The following C2orf74 variants were observed in gnomAD, a reference collection of about 807,000 sequenced individuals.
C2orf74 encodes DPM1 ER membrane anchor 1.
A neutral mutation model predicts 17.9 loss-of-function variants in C2orf74; 14 were observed. The ratio of observed to expected loss-of-function variants is 0.78; its 90% CI spans 0.52 to 1.22. C2orf74 has a LOEUF of 1.22. Ranked by LOEUF, C2orf74 falls within the 50% of genes most tolerant of loss-of-function variation. The probability of loss-of-function intolerance (pLI) is 0.00; values close to 1 mark genes in which losing one functional copy is unlikely to be tolerated. For synonymous variants in C2orf74, 79 were observed against 72.6 expected, an observed-to-expected ratio of 1.09 and a Z score of -0.44; for missense variants, 217 against 218.4, an observed-to-expected ratio of 0.99 and a Z score of 0.04.
intron 2 of C2orf74, 68 bp downstream of exon 2, chr2:61,162,677 G>C (rs954210489): frequency 1.8e-6 from 2 of 1,138,368 alleles, no homozygotes; most frequent in African/African-American, 3.1e-5. Flanking sequence ...TAGAAATAAT[G>C]TAAAACAATT....
chr2:61,158,027 A>G, upstream of C2orf74: 1 of 470,968 alleles, frequency 2.1e-6, no homozygotes, highest in South Asian at 1.5e-5. Context: ...GCAGTAGGGC[A>G]GGACTGCTTA....
upstream of C2orf74, chr2:61,162,187 C>T (rs980037896): frequency 6.0e-5 from 18 of 298,380 alleles, no homozygotes; most frequent in African/African-American, 3.3e-4. Context: ...CCAGCTGTTC[C>T]GATTCCTCTC....
chr2:61,146,686 T>A (rs1321078410), intron 1 of C2orf74, among the ~76,000 whole-genome samples: 1 of 151,918 alleles, frequency 6.6e-6, no homozygotes, highest in Non-Finnish European at 1.5e-5. Context: ...ATACAAAAAT[T>A]AGACTGGCGT....
At chr2:61,146,009 T>G (rs899974903) in intron 1 of C2orf74, among the ~76,000 whole-genome samples, 1 of 152,228 alleles carries the variant, frequency 6.6e-6, no homozygotes, top group Admixed American at 6.5e-5. Context: ...CTGAATAATA[T>G]TTGCATTTTG....
chr2:61,156,834 A>C (rs141879296), intron 1 of C2orf74, among the ~76,000 whole-genome samples: 2 of 152,192 alleles, frequency 1.3e-5, no homozygotes, highest in Non-Finnish European at 2.9e-5. Context: ...GCAGTGAACC[A>C]AGATCATGCC....
chr2:61,147,367 T>G (rs1729655), intron 1 of C2orf74, among the ~76,000 whole-genome samples: 65,065 of 151,810 alleles, frequency 0.43, 14,222 homozygotes, highest in Middle Eastern at 0.5. Flanking sequence ...TCCCAGACAA[T>G]AATATTATTT....
At chr2:61,146,757 T>G (rs1187770742) in intron 1 of C2orf74, among the ~76,000 whole-genome samples, 2 of 151,898 alleles carry the variant, frequency 1.3e-5, no homozygotes, top group African/African-American at 4.8e-5. Context: ...TTGAATCGCT[T>G]GAACCAGGGA....
intron 4 of C2orf74, among the ~76,000 whole-genome samples, chr2:61,163,460 T>C (rs1437289925): frequency 2.6e-5 from 4 of 151,258 alleles, no homozygotes; most frequent in South Asian, 2.1e-4. Flanking sequence ...AAAAATTAGC[T>C]GGGCGTGGTG....
upstream of C2orf74, among the ~76,000 whole-genome samples, chr2:61,158,642 C>T (rs1685468844): frequency 6.6e-6 from 1 of 152,078 alleles, no homozygotes; most frequent in African/African-American, 2.4e-5. Context: ...AAATCTGTCT[C>T]CCCAGTTGAT....
intron 1 of C2orf74, chr2:61,151,915 A>G (rs1034082919): frequency 6.6e-6 from 1 of 152,410 alleles, no homozygotes; most frequent in Non-Finnish European, 1.5e-5. Flanking sequence ...GTCCAGGTAC[A>G]TTGTGGCAAA....
In C2orf74 at chr2:61,164,426, T is replaced by C; in HGVS notation, c.463T>C (p.Leu155=). 1 of 1,551,002 alleles carries C rather than the reference T, an allele frequency of 6.4e-7. No homozygotes were observed. The highest frequency in any genetic ancestry group is 8.7e-7 in the Non-Finnish European group (1 of 1,146,774). The change falls in exon 5 of 5, where the codon TTA becomes CTA. Residue 155 remains leucine (L), a synonymous_variant. Transcript: ENST00000432605. ...PSVVESQKRP[L]KGVTFSREVI... ...AGTTGTTGAAAGCCAAAAAAGACCT[T>C]TAAAAGGAGTGACATTTTCTAGGGA...
chr2:61,164,754 G>T lies in C2orf74; in HGVS notation c.*227G>T. 2 of 372,574 alleles carry T rather than the reference G, an allele frequency of 5.4e-6. No homozygotes were observed. The highest frequency in any genetic ancestry group is 5.0e-5 in the South Asian group (1 of 19,904). 23.1% of individuals were successfully genotyped at this position (372,574 alleles called of 1,614,324 possible). ...AATTCAAATCTGAGTTCAAGAAATTGATTGTATTGCCCTTAAAACTATCTA... is the reference window on the plus strand; with the variant it reads ...AATTCAAATCTGAGTTCAAGAAATTTATTGTATTGCCCTTAAAACTATCTA... On this transcript the variant is annotated 3_prime_UTR_variant, in exon 5 of 5. Coordinates refer to ENST00000432605, the MANE Select transcript of C2orf74 (RefSeq NM_001143959.4).
upstream of C2orf74, among the ~76,000 whole-genome samples, chr2:61,160,783 C>T (rs1685541972): frequency 6.6e-6 from 1 of 152,232 alleles, no homozygotes; most frequent in African/African-American, 2.4e-5. Context: ...AGCCACCATG[C>T]CCAGCCACCA....
chr2:61,163,376 A>C (rs1685627182), intron 4 of C2orf74, 144 bp downstream of exon 4: 1 of 793,568 alleles, frequency 1.3e-6, no homozygotes, highest in Admixed American at 2.9e-5. Context: ...TGGGAGGCCA[A>C]GGAGGGCGGA....
chr2:61,154,228 C>G (rs1355317734), intron 1 of C2orf74, among the ~76,000 whole-genome samples: 1 of 102,482 alleles, frequency 9.8e-6, no homozygotes. Context: ...GAGCGAAATT[C>G]TGTCTCAAAA....
At position 61,164,711 on chromosome 2, in the gene C2orf74, T is replaced by C. The variant is rs1360208305; in HGVS notation, c.*184T>C. 2.2e-6 allele frequency: 1 copy of C among 445,440 alleles called. No homozygotes were observed. The highest frequency in any genetic ancestry group is 5.4e-5 in the South Asian group (1 of 18,384). 27.6% of individuals were successfully genotyped at this position (445,440 alleles called of 1,614,324 possible). A position where few individuals can be genotyped will look rare whatever the true frequency, so the allele number is the denominator to read the frequency against. On this transcript the variant is annotated 3_prime_UTR_variant, in exon 5 of 5. Coordinates refer to ENST00000432605, the MANE Select transcript of C2orf74 (RefSeq NM_001143959.4). ...TTCTGTAAGTAAAATACTTAGAGCTTGAATATAATTTTTTAAAAATTCAAA... is the reference window on the plus strand; with the variant it reads ...TTCTGTAAGTAAAATACTTAGAGCTCGAATATAATTTTTTAAAAATTCAAA...
chr2:61,160,452 G>A (rs184688114), upstream of C2orf74, among the ~76,000 whole-genome samples: 694 of 150,364 alleles, frequency 4.6e-3, 1 homozygote, highest in Non-Finnish European at 7.6e-3. Context: ...GAGCCACTGC[G>A]CCCAGCCCGG....
intron 1 of C2orf74, among the ~76,000 whole-genome samples, chr2:61,152,978 C>T (rs1685280044): frequency 6.6e-6 from 1 of 151,032 alleles, no homozygotes; most frequent in Admixed American, 6.6e-5. Context: ...CATGGAGAAA[C>T]CCCGTCTCTA....
At chr2:61,157,834 T>G (rs888723561), upstream of C2orf74, 13 of 469,010 alleles carry the variant, frequency 2.8e-5, no homozygotes, top group African/African-American at 2.4e-4. Context: ...ACTCATCCTG[T>G]AATTCCTGGA....
Sources: gnomAD v4.1 joint callset for allele counts (sites outside exome capture counted in the v4.1 genomes callset) on GRCh38, gnomAD v4.1.1 for gene constraint, MANE v1.5 for transcripts, NCBI Gene and HGNC (gene_info 2026-07-23, HGNC 2026-07-21) for gene names.